Variants in ESRRG observed in about 807,000 individuals in gnomAD.
The protein encoded by ESRRG is estrogen-related receptor gamma.
Under a neutral mutation model 44.0 loss-of-function variants are expected in ESRRG, and 13 were observed. That is an observed-to-expected ratio of 0.30 (90% confidence interval 0.19 to 0.47). ESRRG has a LOEUF of 0.47. Ranked by LOEUF, ESRRG falls within the 20% of genes least tolerant of loss-of-function variation. The pLI, the probability that ESRRG is intolerant of heterozygous loss-of-function variation, is 1.00. For synonymous variants in ESRRG, 215 were observed against 214.6 expected, an observed-to-expected ratio of 1.00 and a Z score of -0.02; for missense variants, 395 against 580.6, an observed-to-expected ratio of 0.68 and a Z score of 3.29.
chr1:216,563,721 T>C (rs1022535496), intron 5 of ESRRG, among the ~76,000 whole-genome samples: 1 of 152,170 alleles, frequency 6.6e-6, no homozygotes, highest in African/African-American at 2.4e-5. Flanking sequence ...TTAATATTTA[T>C]TTTCACAATT....
At chr1:217,121,274 A>G (rs181460578) in intron 1 of ESRRG, among the ~76,000 whole-genome samples, 1 of 152,356 alleles carries the variant, frequency 6.6e-6, no homozygotes, top group African/African-American at 2.4e-5. Flanking sequence ...GTAAAGTGTC[A>G]GAAATGAGGC....
intron 2 of ESRRG, among the ~76,000 whole-genome samples, chr1:216,923,989 G>A (rs1218339457): frequency 6.6e-6 from 1 of 152,190 alleles, no homozygotes; most frequent in Non-Finnish European, 1.5e-5. Flanking sequence ...CTACGAAGAA[G>A]ATTATTTAGC....
intron 1 of ESRRG, among the ~76,000 whole-genome samples, chr1:217,052,513 G>A (rs1295355055): frequency 6.6e-6 from 1 of 152,178 alleles, no homozygotes; most frequent in Admixed American, 6.5e-5. Context: ...ATGTTACTCT[G>A]TCTCACTCCC....
chr1:216,674,295 G>A (rs753162387), intron 2 of ESRRG, among the ~76,000 whole-genome samples: 13 of 152,182 alleles, frequency 8.5e-5, no homozygotes, highest in African/African-American at 2.4e-4. Flanking sequence ...TAGCTTTCTC[G>A]CTTTCCATGT....
chr1:217,011,829 C>T (rs1216472134), intron 1 of ESRRG, among the ~76,000 whole-genome samples: 1 of 152,156 alleles, frequency 6.6e-6, no homozygotes, highest in Admixed American at 6.6e-5. Flanking sequence ...TCTGGCCCAC[C>T]TCAGCCTGGA....
At chr1:216,916,561 C>T (rs1314106334) in intron 2 of ESRRG, among the ~76,000 whole-genome samples, 2 of 152,184 alleles carry the variant, frequency 1.3e-5, no homozygotes, top group Non-Finnish European at 2.9e-5. Flanking sequence ...ATACATGCAC[C>T]GCCAGGCACG....
intron 2 of ESRRG, among the ~76,000 whole-genome samples, chr1:216,881,714 G>A (rs1342806954): frequency 1.3e-5 from 2 of 152,036 alleles, no homozygotes; most frequent in African/African-American, 2.4e-5. Context: ...ATGATAATCC[G>A]ACGTTAAGGA....
At chr1:216,832,048 G>A (rs752632925) in intron 2 of ESRRG, among the ~76,000 whole-genome samples, 14 of 152,044 alleles carry the variant, frequency 9.2e-5, no homozygotes, top group Non-Finnish European at 1.5e-4. Context: ...GTCCCTCTGG[G>A]CTCTCTCATG....
chr1:216,979,029 G>C (rs2073466785), intron 1 of ESRRG, among the ~76,000 whole-genome samples: 1 of 152,060 alleles, frequency 6.6e-6, no homozygotes, highest in African/African-American at 2.4e-5. Context: ...GGAGAAGTTT[G>C]CTCCATGCTC....
At chr1:216,944,862 C>G (rs926613595) in intron 1 of ESRRG, among the ~76,000 whole-genome samples, 3 of 152,094 alleles carry the variant, frequency 2.0e-5, no homozygotes, top group African/African-American at 7.2e-5. Flanking sequence ...GTATTAGAAC[C>G]TACAGGAACG....
intron 2 of ESRRG, among the ~76,000 whole-genome samples, chr1:216,813,671 C>T (rs1032214807): frequency 6.6e-6 from 1 of 152,114 alleles, no homozygotes; most frequent in East Asian, 1.9e-4. Context: ...AATAGTAAAA[C>T]CTGCCTTTTT....
intron 3 of ESRRG, among the ~76,000 whole-genome samples, chr1:216,592,738 G>T (rs2150025830): frequency 6.6e-6 from 1 of 152,250 alleles, no homozygotes; most frequent in African/African-American, 2.4e-5. Flanking sequence ...GACCTCAGGT[G>T]ATCTGTCCAC....
At chr1:216,947,827 A>T (rs2066303067) in intron 1 of ESRRG, among the ~76,000 whole-genome samples, 1 of 152,112 alleles carries the variant, frequency 6.6e-6, no homozygotes, top group Non-Finnish European at 1.5e-5. Flanking sequence ...AGCCACTCTT[A>T]AGCTTATATA....
chr1:216,518,778 G>GA (rs1230534910), intron 6 of ESRRG, among the ~76,000 whole-genome samples: 1 of 152,058 alleles, frequency 6.6e-6, no homozygotes, highest in Non-Finnish European at 1.5e-5. Flanking sequence ...ATTTTTGAGG[G>GA]AAAAATGGTT....
intron 3 of ESRRG, among the ~76,000 whole-genome samples, chr1:216,636,796 T>C (rs2065389964): frequency 6.6e-6 from 1 of 152,238 alleles, no homozygotes; most frequent in African/African-American, 2.4e-5. Flanking sequence ...GATTTTGTTC[T>C]TTCCTACCTT....
intron 3 of ESRRG, among the ~76,000 whole-genome samples, chr1:216,615,468 C>T (rs754867036): frequency 7.2e-5 from 11 of 152,118 alleles, no homozygotes; most frequent in Admixed American, 7.2e-4. Context: ...TCCTGCATGA[C>T]GTACAATCTC....
chr1:216,763,569 G>A (rs554641690), intron 2 of ESRRG, among the ~76,000 whole-genome samples: 2 of 152,074 alleles, frequency 1.3e-5, no homozygotes, highest in African/African-American at 4.8e-5. Context: ...ATTAATATAC[G>A]CTTAGCATTT....
chr1:216,748,564 A>G (rs1213058692), intron 2 of ESRRG, among the ~76,000 whole-genome samples: 2 of 152,180 alleles, frequency 1.3e-5, no homozygotes, highest in Admixed American at 6.5e-5. Context: ...AACTTGCTGT[A>G]TCTGAACACA....
intron 1 of ESRRG, among the ~76,000 whole-genome samples, chr1:217,128,771 T>C (rs1017972287): frequency 4.6e-5 from 7 of 152,206 alleles, no homozygotes; most frequent in African/African-American, 7.2e-5. Context: ...GTAAAGTTGA[T>C]TGGGCATTAA....
Sources: allele counts gnomAD v4.1 joint callset (sites outside exome capture counted in the v4.1 genomes callset), GRCh38; gene constraint gnomAD v4.1.1; transcripts MANE v1.5; gene names NCBI Gene and HGNC (gene_info 2026-07-23, HGNC 2026-07-21).